KAZN: variants seen among roughly 807,000 people sequenced by gnomAD.
KAZN encodes kazrin, periplakin interacting protein.
KAZN carries 40 observed loss-of-function variants against 87.4 expected under a neutral mutation model. That is an observed-to-expected ratio of 0.46 (90% confidence interval 0.36 to 0.60). KAZN has a LOEUF of 0.60. Ranked by LOEUF, KAZN falls within the 20% of genes least tolerant of loss-of-function variation. The pLI, the probability that KAZN is intolerant of heterozygous loss-of-function variation, is 0.00. For synonymous variants in KAZN, 466 were observed against 458.3 expected, an observed-to-expected ratio of 1.02 and a Z score of -0.22; for missense variants, 898 against 1,073.9, an observed-to-expected ratio of 0.84 and a Z score of 2.29.
chr1:14,907,002 G>T (rs549816141), intron 1 of KAZN, among the ~76,000 whole-genome samples: 1 of 152,004 alleles, frequency 6.6e-6, no homozygotes, highest in South Asian at 2.1e-4. Flanking sequence ...GCTACTCAGG[G>T]CATGGTGGCG....
chr1:14,387,217 A>G (rs1661992491), intron 2 of KAZN, among the ~76,000 whole-genome samples: 1 of 151,912 alleles, frequency 6.6e-6, no homozygotes, highest in African/African-American at 2.4e-5. Context: ...CATTCTTCTA[A>G]ATTTTTTTCA....
At chr1:14,971,149 C>T (rs1032594491) in intron 2 of KAZN, among the ~76,000 whole-genome samples, 2 of 152,128 alleles carry the variant, frequency 1.3e-5, no homozygotes, top group Non-Finnish European at 2.9e-5. Flanking sequence ...TTTGTAATAC[C>T]ATCACTTTGA....
At chr1:14,832,576 A>G (rs1231900822) in intron 1 of KAZN, among the ~76,000 whole-genome samples, 1 of 152,210 alleles carries the variant, frequency 6.6e-6, no homozygotes, top group Non-Finnish European at 1.5e-5. Context: ...GGCCACACAT[A>G]AGATACACTA....
intron 11 of KAZN, 148 bp downstream of exon 11, chr1:15,101,922 T>A: frequency 3.1e-6 from 2 of 648,722 alleles, no homozygotes; most frequent in South Asian, 3.6e-5. Context: ...TTATTGATCA[T>A]CCGTCCATCC....
intron 1 of KAZN, among the ~76,000 whole-genome samples, chr1:14,623,774 A>G (rs1333202350): frequency 3.3e-5 from 5 of 151,784 alleles, no homozygotes; most frequent in African/African-American, 9.7e-5. Context: ...CTCTTTTGAT[A>G]TCTAATTGAC....
Position 14,334,635 on chromosome 1 carries a change from G to A in KAZN, c.249+154043G>A, listed in dbSNP as rs78772621. 7.5e-3 allele frequency among the ~76,000 whole-genome samples: 1,143 copies of A among 152,326 alleles called. 15 individuals are homozygous for A. Among genetic ancestry groups the A allele is most frequent in the African/African-American group, 0.026 (1,064 of 41,564 alleles). Reference sequence around the variant, plus strand: ...GAAAAGGGAAGTCAGGCAGGATTAGGAGCAGAAGAGCCATGTGATGAGGTT... The same window carrying A: ...GAAAAGGGAAGTCAGGCAGGATTAGAAGCAGAAGAGCCATGTGATGAGGTT... On this transcript the variant is annotated intron_variant, in intron 2 of 16. Transcript: ENST00000636203.
At chr1:14,289,831 T>C (rs911679517) in intron 2 of KAZN, among the ~76,000 whole-genome samples, 1 of 152,210 alleles carries the variant, frequency 6.6e-6, no homozygotes, top group Non-Finnish European at 1.5e-5. Context: ...GTTGTTCCTT[T>C]CCATGTTTAG....
intron 1 of KAZN, among the ~76,000 whole-genome samples, chr1:14,149,457 C>G (rs1258717529): frequency 6.6e-6 from 1 of 152,122 alleles, no homozygotes; most frequent in Non-Finnish European, 1.5e-5. Flanking sequence ...CACTCTCTTT[C>G]TGGACATGAT....
rs910922828 is a variant in KAZN, at chr1:15,099,271, T to A, written c.1548-2272T>A. Among the ~76,000 whole-genome samples, 1 of 152,220 alleles carries A rather than the reference T, an allele frequency of 6.6e-6. No homozygotes were observed. The highest frequency in any genetic ancestry group is 1.5e-5 in the Non-Finnish European group (1 of 68,034). ...GGAAGCATTCAATCAGTGTCTACTG[T>A]GCACGTAGACTGTGCTGTTTGGCAG... On this transcript the variant is annotated intron_variant, in intron 10 of 14. Coordinates refer to ENST00000376030, the MANE Select transcript of KAZN (RefSeq NM_201628.3). This position sits in a 1 kb window ranked among gnomAD's most constrained non-coding sequence, Gnocchi z 5.4.
chr1:14,362,070 C>T (rs1258357677), intron 2 of KAZN, among the ~76,000 whole-genome samples: 1 of 152,168 alleles, frequency 6.6e-6, no homozygotes, highest in Non-Finnish European at 1.5e-5. Flanking sequence ...GCTATTGCTG[C>T]ATGACAATAT....
intron 13 of KAZN, among the ~76,000 whole-genome samples, chr1:15,108,392 G>A (rs1273958767): frequency 2.0e-5 from 3 of 152,182 alleles, no homozygotes; most frequent in Non-Finnish European, 4.4e-5. Flanking sequence ...GGCCTTTGAG[G>A]CCACATTCTG....
intron 2 of KAZN, among the ~76,000 whole-genome samples, chr1:14,183,400 A>G (rs1010302656): frequency 3.9e-5 from 6 of 152,162 alleles, no homozygotes; most frequent in Non-Finnish European, 5.9e-5. Context: ...CGTTTTGAGC[A>G]TGGAGGTGTC....
chr1:14,548,815 T>TGAG (rs1673331054), intron 2 of KAZN, among the ~76,000 whole-genome samples: 1 of 152,222 alleles, frequency 6.6e-6, no homozygotes, highest in South Asian at 2.1e-4. Context: ...AGTACACATG[T>TGAG]GAGGGATCTC....
rs569025415 is a variant in KAZN, at chr1:14,946,491, C to T, written c.227-14193C>T. 1.3e-4 allele frequency among the ~76,000 whole-genome samples: 20 copies of T among 152,170 alleles called. No homozygotes were observed. In the South Asian group the frequency reaches 2.5e-3, roughly 19 times the overall value. ...TCACTGGGGCTACAGGCGCCTGCCACCACGCTTGGCTAATTTTTTGTATTT... is the reference window on the plus strand; with the variant it reads ...TCACTGGGGCTACAGGCGCCTGCCATCACGCTTGGCTAATTTTTTGTATTT... On this transcript the variant is annotated intron_variant, in intron 1 of 14. Coordinates refer to ENST00000376030, the MANE Select transcript of KAZN (RefSeq NM_201628.3).
intron 1 of KAZN, among the ~76,000 whole-genome samples, chr1:14,035,114 G>A (rs1055556887): frequency 6.6e-6 from 1 of 152,124 alleles, no homozygotes; most frequent in Non-Finnish European, 1.5e-5. Context: ...TAGCAACATC[G>A]GGAGGCATAG....
chr1:14,633,863 G>A (rs866211800), intron 1 of KAZN, among the ~76,000 whole-genome samples: 5 of 150,694 alleles, frequency 3.3e-5, no homozygotes, highest in Admixed American at 6.6e-5. Context: ...GCATTTGCGC[G>A]CGCACTCTCT....
intron 2 of KAZN, among the ~76,000 whole-genome samples, chr1:14,540,535 A>G (rs1372967632): frequency 1.3e-5 from 2 of 152,204 alleles, no homozygotes; most frequent in Admixed American, 6.5e-5. Context: ...GTTGTCACAC[A>G]GAAAGTGTGT....
chr1:15,052,234 G>A (rs1674482447), intron 4 of KAZN, among the ~76,000 whole-genome samples: 1 of 152,064 alleles, frequency 6.6e-6, no homozygotes, highest in Non-Finnish European at 1.5e-5. Context: ...AGAAAGGGAG[G>A]CTTAATGGAC....
chr1:14,364,068 G>A (rs71629878), intron 2 of KAZN, among the ~76,000 whole-genome samples: 18,155 of 151,802 alleles, frequency 0.12, 1,237 homozygotes, highest in East Asian at 0.24. Context: ...TTTCATGTGG[G>A]ATGTGGTTTA....
Sources: gnomAD v4.1 joint callset for allele counts (sites outside exome capture counted in the v4.1 genomes callset) on GRCh38, gnomAD v4.1.1 for gene constraint, Gnocchi (gnomAD v3.1) non-coding constraint, MANE v1.5 for transcripts, NCBI Gene and HGNC (gene_info 2026-07-23, HGNC 2026-07-21) for gene names.